ANKRD6: variants seen among roughly 807,000 people sequenced by gnomAD.
ANKRD6 encodes the protein ankyrin repeat domain-containing protein 6.
A neutral mutation model predicts 82.3 loss-of-function variants in ANKRD6; 56 were observed. The ratio of observed to expected loss-of-function variants is 0.68; its 90% CI spans 0.55 to 0.85. ANKRD6 has a LOEUF of 0.85. Ranked by LOEUF, ANKRD6 falls within the 40% of genes least tolerant of loss-of-function variation. The probability of loss-of-function intolerance (pLI) is 0.00; values close to 1 mark genes in which losing one functional copy is unlikely to be tolerated. For missense variants in ANKRD6, 852 were observed against 907.6 expected, an observed-to-expected ratio of 0.94 and a Z score of 0.79; for synonymous variants, 347 against 352.1, an observed-to-expected ratio of 0.99 and a Z score of 0.16.
chr6:89,625,737 C>CTTTTTTT (rs370616881), intron 13 of ANKRD6, among the ~76,000 whole-genome samples: 2 of 140,172 alleles, frequency 1.4e-5, no homozygotes, highest in African/African-American at 5.3e-5. Flanking sequence ...TTTGTTACAA[C>CTTTTTTT]TTTTTTTTTT....
At chr6:89,510,107 T>C (rs1780352682) in intron 1 of ANKRD6, among the ~76,000 whole-genome samples, 1 of 152,194 alleles carries the variant, frequency 6.6e-6, no homozygotes, top group African/African-American at 2.4e-5. Flanking sequence ...CCTCCAGATC[T>C]CTCTTGCCCT....
rs1774155550 is a variant in ANKRD6 at position 89,461,655 on chromosome 6, T to C, written c.-144+28280T>C. The stretch of plus-strand genomic sequence containing the variant: ...AAGAAAATTAGGAATATTATTAAAA[T>C]ATGGTAGTATAAGCTCTCTAGTGTA... On this transcript the variant is annotated intron_variant, in intron 1 of 15. Coordinates refer to ENST00000339746, the MANE Select transcript of ANKRD6 (RefSeq NM_001242809.2). Among the ~76,000 whole-genome samples, 2 of 152,198 alleles carry C rather than the reference T, an allele frequency of 1.3e-5. 1 individual carries two copies.
intron 1 of ANKRD6, among the ~76,000 whole-genome samples, chr6:89,462,399 A>G (rs1374649150): frequency 6.6e-6 from 1 of 152,088 alleles, no homozygotes; most frequent in Non-Finnish European, 1.5e-5. Context: ...AGTTTTTTCC[A>G]GACATGTAAT....
chr6:89,475,514 G>T (rs1775942318), intron 1 of ANKRD6, among the ~76,000 whole-genome samples: 1 of 152,156 alleles, frequency 6.6e-6, no homozygotes, highest in African/African-American at 2.4e-5. Flanking sequence ...CTTATTTCTG[G>T]TTGATTGCCA....
intron 1 of ANKRD6, among the ~76,000 whole-genome samples, chr6:89,542,470 G>C (rs1227529964): frequency 6.6e-6 from 1 of 152,022 alleles, no homozygotes. Flanking sequence ...GATACTTTTA[G>C]AAAGGGAAAC....
chr6:89,547,996 C>T (rs1785326746), intron 1 of ANKRD6, among the ~76,000 whole-genome samples: 1 of 152,114 alleles, frequency 6.6e-6, no homozygotes, highest in African/African-American at 2.4e-5. Context: ...GAATGAAATC[C>T]GTGTCTGATT....
chr6:89,443,124 A>C (rs552769352), intron 1 of ANKRD6, among the ~76,000 whole-genome samples: 3 of 152,246 alleles, frequency 2.0e-5, no homozygotes, highest in Admixed American at 2.0e-4. Flanking sequence ...TGCTACAAAG[A>C]ATCTGTTTTG....
At chr6:89,530,274 T>A (rs1782977040) in intron 1 of ANKRD6, among the ~76,000 whole-genome samples, 1 of 151,784 alleles carries the variant, frequency 6.6e-6, no homozygotes, top group African/African-American at 2.4e-5. Context: ...AAGTTTGAAA[T>A]ATTGCAAGAA....
chr6:89,496,138 A>G (rs1778585068), intron 1 of ANKRD6, among the ~76,000 whole-genome samples: 1 of 151,970 alleles, frequency 6.6e-6, no homozygotes, highest in Non-Finnish European at 1.5e-5. Context: ...GGTCTCAGGA[A>G]CACTGACAAT....
At chr6:89,479,659 T>G (rs988048664) in intron 1 of ANKRD6, among the ~76,000 whole-genome samples, 1 of 151,112 alleles carries the variant, frequency 6.6e-6, no homozygotes, top group Non-Finnish European at 1.5e-5. Context: ...TTTAGGGTAC[T>G]TGTGCACAAT....
At chr6:89,513,650 C>G (rs1780841615) in intron 1 of ANKRD6, among the ~76,000 whole-genome samples, 1 of 152,110 alleles carries the variant, frequency 6.6e-6, no homozygotes, top group African/African-American at 2.4e-5. Context: ...AAAAAATTAT[C>G]TGTATTTTAA....
intron 1 of ANKRD6, among the ~76,000 whole-genome samples, chr6:89,474,108 AAAC>A (rs1775782384): frequency 7.5e-6 from 1 of 134,172 alleles, no homozygotes; most frequent in Admixed American, 7.2e-5. Flanking sequence ...TGTCTCAAAA[AAAC>A]AAAACAAAAC....
chr6:89,613,564 T>G (rs1800763297), intron 6 of ANKRD6, among the ~76,000 whole-genome samples: 1 of 152,164 alleles, frequency 6.6e-6, no homozygotes, highest in African/African-American at 2.4e-5. Context: ...GAAGCAGTGA[T>G]TCTGTGACCA....
At position 89,603,143 on chromosome 6, in the gene ANKRD6, G is replaced by T. The variant is rs757590603; in HGVS notation, c.318+16G>T. 2 of 1,586,944 alleles carry T rather than the reference G, an allele frequency of 1.3e-6. No individual in the cohort carries two copies. The highest frequency in any genetic ancestry group is 1.7e-6 in the Non-Finnish European group (2 of 1,167,174). On this transcript the variant is annotated intron_variant, in intron 4 of 15. Coordinates refer to ENST00000339746, the MANE Select transcript of ANKRD6 (RefSeq NM_001242809.2). Reference sequence around the variant, plus strand: ...ACAAGACAAGGTGAGTGGACACTGAGCTTCCTTACTCCCCAAGGCAAGGGA... The same window carrying T: ...ACAAGACAAGGTGAGTGGACACTGATCTTCCTTACTCCCCAAGGCAAGGGA...
rs969074145 is a variant in ANKRD6 at position 89,627,645 on chromosome 6, C to A, written c.1434C>A (p.Asn478Lys). ...CTGCAGAGAGGACGGAGTGCCTGAA[C>A]CGCCTGCAACAGCACTCAGACACAG... ...RLSAERTECL[N>K]RLQQHSDTEK... The change falls in exon 14 of 16, where the codon AAC becomes AAA. Residue 478 changes from asparagine to lysine, a missense_variant. Coordinates refer to ENST00000339746, the MANE Select transcript of ANKRD6 (RefSeq NM_001242809.2). The A allele has an allele frequency of 2.5e-6, 4 of 1,613,700 alleles. No individual in the cohort carries two copies. In the Admixed American group the frequency reaches 6.7e-5, roughly 27 times the overall value.
At chr6:89,547,297 G>C (rs930391404) in intron 1 of ANKRD6, among the ~76,000 whole-genome samples, 4 of 152,326 alleles carry the variant, frequency 2.6e-5, no homozygotes, top group Non-Finnish European at 5.9e-5. Context: ...GGAAACCACT[G>C]TTGGCAGCCC....
intron 1 of ANKRD6, among the ~76,000 whole-genome samples, chr6:89,455,018 A>G (rs889692238): frequency 2.0e-5 from 3 of 151,428 alleles, no homozygotes; most frequent in Admixed American, 6.6e-5. Flanking sequence ...TTTTTTTTGT[A>G]TTTTTAGTAG....
chr6:89,494,039 T>A (rs1368883689), intron 1 of ANKRD6, among the ~76,000 whole-genome samples: 1 of 152,106 alleles, frequency 6.6e-6, no homozygotes, highest in Non-Finnish European at 1.5e-5. Flanking sequence ...GAGATTGGGT[T>A]CAACTCTGAA....
At chr6:89,582,269 G>T (rs1357197709) in intron 2 of ANKRD6, among the ~76,000 whole-genome samples, 1 of 152,074 alleles carries the variant, frequency 6.6e-6, no homozygotes, top group Non-Finnish European at 1.5e-5. Context: ...TGCCCAAGCT[G>T]GTCTTGAACT....
Sources: allele counts gnomAD v4.1 joint callset (sites outside exome capture counted in the v4.1 genomes callset), GRCh38; gene constraint gnomAD v4.1.1; transcripts MANE v1.5; gene names NCBI Gene and HGNC (gene_info 2026-07-23, HGNC 2026-07-21).